Variants in FAM120B observed in about 807,000 individuals in gnomAD.
The protein encoded by FAM120B is constitutive coactivator of peroxisome proliferator-activated receptor gamma.
A neutral mutation model predicts 96.3 loss-of-function variants in FAM120B; 83 were observed. The observed-to-expected ratio is 0.86, with a 90% CI of 0.72 to 1.03. FAM120B has a LOEUF of 1.03. Ranked by LOEUF, FAM120B falls within the 50% of genes least tolerant of loss-of-function variation. FAM120B has a pLI of 0.00. For synonymous variants in FAM120B, 407 were observed against 402.7 expected, an observed-to-expected ratio of 1.01 and a Z score of -0.13; for missense variants, 1,027 against 1,121.2, an observed-to-expected ratio of 0.92 and a Z score of 1.20.
At chr6:170,380,321 A>C (rs568067772) in intron 6 of FAM120B, among the ~76,000 whole-genome samples, 50 of 152,306 alleles carry the variant, frequency 3.3e-4, no homozygotes, top group African/African-American at 1.2e-3. Flanking sequence ...ACATGGGTGC[A>C]GGTATCTCAT....
At chr6:170,308,889 A>G (rs1440804225) in intron 1 of FAM120B, among the ~76,000 whole-genome samples, 2 of 152,218 alleles carry the variant, frequency 1.3e-5, no homozygotes, top group Non-Finnish European at 2.9e-5. Context: ...GACTTTATTT[A>G]GCTCTAGTGT....
At chr6:170,321,388 G>A (rs1785276167) in intron 2 of FAM120B, among the ~76,000 whole-genome samples, 1 of 152,124 alleles carries the variant, frequency 6.6e-6, no homozygotes. Context: ...TGGAAGATCA[G>A]TTGAGTTACT....
chr6:170,400,531 GC>G lies in FAM120B; in HGVS notation c.2693-4016del, dbSNP rs1379041135. On this transcript the variant is annotated intron_variant, in intron 9 of 10. Coordinates refer to ENST00000476287, the MANE Select transcript of FAM120B (RefSeq NM_032448.3). Reference sequence around the variant, plus strand: ...TGGTTCTGCCCCTTCCCAGTGGCCTGCCCTTAGGGGATCCCTGGACCACTGG... The same window carrying G: ...TGGTTCTGCCCCTTCCCAGTGGCCTGCCTTAGGGGATCCCTGGACCACTGG... Among the ~76,000 whole-genome samples the G allele has an allele frequency of 3.3e-5, 5 of 152,132 alleles. No individual in the cohort carries two copies. In the East Asian group the frequency reaches 9.6e-4, roughly 29 times the overall value.
chr6:170,398,250 G>A (rs1000394897), intron 9 of FAM120B, among the ~76,000 whole-genome samples: 1 of 152,238 alleles, frequency 6.6e-6, no homozygotes, highest in Non-Finnish European at 1.5e-5. Context: ...GGAATTCTGT[G>A]ACTTTCTATT....
At chr6:170,357,598 G>T (rs886150703) in intron 5 of FAM120B, among the ~76,000 whole-genome samples, 1 of 152,188 alleles carries the variant, frequency 6.6e-6, no homozygotes, top group South Asian at 2.1e-4. Flanking sequence ...GCCAAAAGTG[G>T]ATGATGACCC....
chr6:170,339,173 G>A (rs1397727735), intron 4 of FAM120B, among the ~76,000 whole-genome samples: 1 of 151,980 alleles, frequency 6.6e-6, no homozygotes, highest in Non-Finnish European at 1.5e-5. Flanking sequence ...CTTATTTAGT[G>A]CTTCCTTCAG....
In FAM120B at chr6:170,320,104, G is replaced by T. The variant is rs183871507; in HGVS notation, c.1734+980G>T. 1.4e-3 allele frequency among the ~76,000 whole-genome samples: 210 copies of T among 152,222 alleles called. 1 individual carries two copies. Among genetic ancestry groups the T allele is most frequent in the African/African-American group, 4.8e-3 (198 of 41,532 alleles). On this transcript the variant is annotated intron_variant, in intron 2 of 10. Transcript: ENST00000476287. ...CTGTGTCCACATGAATGTCTCAAAG[G>T]TACCTCAGCAAGTTCTAAACCAAAC...
At chr6:170,342,153 G>GT (rs1281215594) in intron 4 of FAM120B, among the ~76,000 whole-genome samples, 1 of 152,078 alleles carries the variant, frequency 6.6e-6, no homozygotes, top group Non-Finnish European at 1.5e-5. Context: ...AGTTTTCTGA[G>GT]TTTTTTTGGT....
At chr6:170,402,653 G>A (rs1312933161) in intron 9 of FAM120B, among the ~76,000 whole-genome samples, 1 of 152,240 alleles carries the variant, frequency 6.6e-6, no homozygotes, top group East Asian at 1.9e-4. Flanking sequence ...GAAAAAGGAG[G>A]AGACAGTTGG....
At chr6:170,330,778 C>G in intron 4 of FAM120B, 1 of 535,950 alleles carries the variant, frequency 1.9e-6, no homozygotes, top group Non-Finnish European at 3.3e-6. Flanking sequence ...TGCTCTGCCT[C>G]TTTCTCCATC....
intron 6 of FAM120B, among the ~76,000 whole-genome samples, chr6:170,368,486 A>G (rs895868895): frequency 1.3e-5 from 2 of 152,258 alleles, no homozygotes; most frequent in African/African-American, 4.8e-5. Context: ...TCAAGCCGTT[A>G]AGATGGCGCT....
chr6:170,335,220 C>A (rs112662473), intron 4 of FAM120B, among the ~76,000 whole-genome samples: 3 of 151,944 alleles, frequency 2.0e-5, no homozygotes, highest in Non-Finnish European at 4.4e-5. Context: ...CCCCAACCCC[C>A]CAACAGGACC....
At chr6:170,299,731 T>C (rs1784101211) in intron 1 of FAM120B, among the ~76,000 whole-genome samples, 1 of 152,290 alleles carries the variant, frequency 6.6e-6, no homozygotes, top group Non-Finnish European at 1.5e-5. Flanking sequence ...CCTGATTCAC[T>C]ATCTGACTAT....
upstream of FAM120B, among the ~76,000 whole-genome samples, chr6:170,301,888 G>A (rs1487928302): frequency 6.6e-6 from 1 of 152,172 alleles, no homozygotes; most frequent in Non-Finnish European, 1.5e-5. Flanking sequence ...TTTCCCACCT[G>A]TTCCTATCTT....
upstream of FAM120B, among the ~76,000 whole-genome samples, chr6:170,291,339 T>C (rs1016283698): frequency 6.6e-6 from 1 of 151,580 alleles, no homozygotes; most frequent in African/African-American, 2.4e-5. Context: ...GGGCCCCACT[T>C]GAGCGGCGGG....
At position 170,323,103 on chromosome 6, in the gene FAM120B, G is replaced by A. The variant is rs370272691; in HGVS notation, c.1759G>A (p.Ala587Thr). ...LKVARTHHVQ[A>T]ESYLVYNIMS... is the part of the protein sequence containing the mutation. The stretch of plus-strand genomic sequence containing the variant: ...GGTTGCTAGAACACATCACGTCCAA[G>A]CAGAAAGCTACCTGGTGTACAACAT... Residue 587 changes from alanine to threonine, a missense_variant, in exon 3 of 11, where the codon GCA becomes ACA. Transcript: ENST00000476287. 1 of 1,613,170 alleles carries A rather than the reference G, an allele frequency of 6.2e-7. No individual in the cohort carries two copies. The highest frequency in any genetic ancestry group is 8.5e-7 in the Non-Finnish European group (1 of 1,179,692).
Position 170,348,279 on chromosome 6 carries a change from C to T in FAM120B, c.2146C>T (p.Pro716Ser), listed in dbSNP as rs974102458. The T allele has an allele frequency of 1.2e-6, 2 of 1,613,612 alleles. No individual in the cohort carries two copies. Among genetic ancestry groups the T allele is most frequent in the African/African-American group, 2.7e-5 (2 of 74,888 alleles). The change falls in exon 5 of 11, where the codon CCA becomes TCA. Residue 716 changes from proline to serine, a missense_variant. By Grantham distance (74) the Pro-to-Ser change is moderately conservative (BLOSUM62 -1). Around this residue, in one of 3 missense-constraint regions of FAM120B, gnomAD observed 880 missense variants for 980.9 expected, o/e 0.90. Coordinates refer to ENST00000476287, the MANE Select transcript of FAM120B (RefSeq NM_032448.3). ...SREELQAVES[P>S]FQALCCLLIY... ...AGAAGAGCTGCAGGCTGTCGAAAGC[C>T]CATTTCAAGCTTTGTGCTGCCTCTT...
At position 170,361,195 on chromosome 6, in the gene FAM120B, CGTGTATATATATATATATATATAT is replaced by C. The variant is rs1181916296; in HGVS notation, c.2283+2878_2283+2901del. Among the ~76,000 whole-genome samples the C allele has an allele frequency of 6.0e-4, 16 of 26,854 alleles. 2 individuals carry two copies. The East Asian group carries it at 0.023, about 39-fold the overall frequency. 17.6% of individuals were successfully genotyped at this position (26,854 alleles called of 152,430 possible). ...ATAGCCTTAAAACTATATATATATA[CGTGTATATATATATATATATATAT>C]ATATATATATATATATACACGTATA... On this transcript the variant is annotated intron_variant, in intron 6 of 10. Coordinates refer to ENST00000476287, the MANE Select transcript of FAM120B (RefSeq NM_032448.3).
Position 170,317,563 on chromosome 6 carries a change from G to A in FAM120B, c.173G>A (p.Trp58Ter). The A allele has an allele frequency of 6.2e-7, 1 of 1,614,076 alleles. No individual in the cohort carries two copies. ...CLRYWYTPES[W>*]ICGGQWREYF... is the part of the protein sequence containing the mutation. ...AGATATTGGTATACTCCAGAATCTT[G>A]GATCTGCGGTGGCCAGTGGCGAGAA... The change falls in exon 2 of 11, where the codon TGG becomes TAG. Residue 58 changes from tryptophan to a stop codon, truncating the protein, a stop_gained. Coordinates refer to ENST00000476287, the MANE Select transcript of FAM120B (RefSeq NM_032448.3). LOFTEE classifies it high-confidence loss of function.
Sources: allele counts gnomAD v4.1 joint callset (sites outside exome capture counted in the v4.1 genomes callset), GRCh38; gene constraint gnomAD v4.1.1; regional missense constraint gnomAD v4.1.1; transcripts MANE v1.5; gene names NCBI Gene and HGNC (gene_info 2026-07-23, HGNC 2026-07-21).